BMPER: variants seen among roughly 807,000 people sequenced by gnomAD.
BMPER encodes the protein BMP binding endothelial regulator, also known as BMP-binding endothelial regulator protein.
BMPER carries 45 observed loss-of-function variants against 87.3 expected under a neutral mutation model. The observed-to-expected ratio is 0.52, with a 90% CI of 0.41 to 0.66. BMPER has a LOEUF of 0.66. Ranked by LOEUF, BMPER falls within the 30% of genes least tolerant of loss-of-function variation. The pLI, the probability that BMPER is intolerant of heterozygous loss-of-function variation, is 0.00. For missense variants in BMPER, 784 were observed against 867.5 expected (o/e 0.90, Z 1.21); for synonymous variants, 326 against 316.2 (o/e 1.03, Z -0.33).
intron 10 of BMPER, among the ~76,000 whole-genome samples, chr7:34,059,047 A>G (rs1242506452): frequency 6.6e-6 from 1 of 151,928 alleles, no homozygotes; most frequent in Non-Finnish European, 1.5e-5. Context: ...AACCCTAATT[A>G]GTCTTGCTTT....
At chr7:34,123,812 T>G (rs2058679) in intron 13 of BMPER, among the ~76,000 whole-genome samples, 5 of 152,204 alleles carry the variant, frequency 3.3e-5, no homozygotes, top group Admixed American at 6.5e-5. Flanking sequence ...TTCATAATTT[T>G]CAGCTAATTA....
chr7:33,948,906 T>C (rs1784953554), intron 3 of BMPER, among the ~76,000 whole-genome samples: 2 of 151,942 alleles, frequency 1.3e-5, no homozygotes, highest in African/African-American at 2.4e-5. Context: ...TGAGTTGTGA[T>C]GGCTCTAGAG....
At chr7:34,123,513 G>C (rs1216300335) in intron 13 of BMPER, among the ~76,000 whole-genome samples, 1 of 152,152 alleles carries the variant, frequency 6.6e-6, no homozygotes, top group Non-Finnish European at 1.5e-5. Context: ...CTGTGGCCTG[G>C]GCATCAGTGC....
chr7:34,017,931 G>C (rs1020100648), intron 6 of BMPER, among the ~76,000 whole-genome samples: 1 of 149,440 alleles, frequency 6.7e-6, no homozygotes, highest in African/African-American at 2.5e-5. Flanking sequence ...AGGCTCCTCT[G>C]TGTGGTGCCT....
intron 6 of BMPER, among the ~76,000 whole-genome samples, chr7:34,038,461 T>C (rs1054580359): frequency 2.0e-5 from 3 of 152,204 alleles, no homozygotes; most frequent in Non-Finnish European, 4.4e-5. Context: ...ATGAAACTGA[T>C]TCCAGACTTC....
At chr7:33,929,006 G>T (rs2128606859) in intron 2 of BMPER, among the ~76,000 whole-genome samples, 1 of 152,292 alleles carries the variant, frequency 6.6e-6, no homozygotes, top group Middle Eastern at 3.4e-3. Context: ...GTGTTGCAGA[G>T]AAGTGAATTT....
chr7:33,990,008 G>A (rs1349450047), intron 6 of BMPER, among the ~76,000 whole-genome samples: 1 of 151,882 alleles, frequency 6.6e-6, no homozygotes, highest in Non-Finnish European at 1.5e-5. Context: ...ATGCTGTTTT[G>A]GTTACTGTAG....
intron 13 of BMPER, among the ~76,000 whole-genome samples, chr7:34,108,104 A>G (rs1583447621): frequency 1.3e-5 from 2 of 152,370 alleles, no homozygotes; most frequent in South Asian, 4.1e-4. Context: ...TGGATCTGCA[A>G]GACTTGGTAG....
chr7:33,948,483 T>C (rs1440874899), intron 3 of BMPER, among the ~76,000 whole-genome samples: 2 of 152,192 alleles, frequency 1.3e-5, no homozygotes, highest in African/African-American at 4.8e-5. Context: ...TGGCATATAA[T>C]GTGGTTTGTC....
At chr7:33,941,105 A>G (rs979893846) in intron 3 of BMPER, among the ~76,000 whole-genome samples, 4 of 136,510 alleles carry the variant, frequency 2.9e-5, no homozygotes, top group African/African-American at 1.1e-4. Flanking sequence ...TATGTAATAT[A>G]TTACATATAA....
chr7:34,058,800 A>G (rs969637426), intron 10 of BMPER, among the ~76,000 whole-genome samples: 3 of 152,250 alleles, frequency 2.0e-5, no homozygotes, highest in South Asian at 2.1e-4. Flanking sequence ...AAAGTTTTAT[A>G]CATTTTGGGA....
intron 3 of BMPER, among the ~76,000 whole-genome samples, chr7:33,952,728 C>T (rs932384385): frequency 6.6e-5 from 10 of 152,128 alleles, no homozygotes; most frequent in Non-Finnish European, 1.0e-4. Flanking sequence ...GGACTTTGAT[C>T]AGAGAATACT....
At chr7:34,145,185 TG>T (rs940871780) in intron 14 of BMPER, among the ~76,000 whole-genome samples, 4 of 152,204 alleles carry the variant, frequency 2.6e-5, no homozygotes, top group Admixed American at 6.5e-5. Context: ...TGAGTTAGTT[TG>T]TGTGTTTACT....
At position 33,937,021 on chromosome 7, in the gene BMPER, C is replaced by T. The variant is rs57306272; in HGVS notation, c.220-268C>T. ...TCTGAAGGAGCGGGAGAGAACTTCT[C>T]CCTTGGCAATCGGTTATCTAGGTGA... On this transcript the variant is annotated intron_variant, in intron 2 of 14. Coordinates refer to ENST00000649409, the MANE Select transcript of BMPER (RefSeq NM_001365308.1). 0.018 allele frequency among the ~76,000 whole-genome samples: 2,733 copies of T among 152,272 alleles called. 80 individuals are homozygous for T. Among genetic ancestry groups the T allele is most frequent in the African/African-American group, 0.062 (2,586 of 41,540 alleles).
chr7:33,960,361 T>C (rs1459514589), intron 3 of BMPER, among the ~76,000 whole-genome samples: 2 of 152,216 alleles, frequency 1.3e-5, no homozygotes, highest in Non-Finnish European at 2.9e-5. Context: ...TTGATTATAC[T>C]TCCATATGTT....
intron 12 of BMPER, among the ~76,000 whole-genome samples, chr7:34,081,619 A>G (rs1789051028): frequency 2.6e-5 from 4 of 152,250 alleles, no homozygotes; most frequent in Admixed American, 2.6e-4. Flanking sequence ...CTTGACACTT[A>G]GCAAATAATT....
chr7:34,139,288 G>A (rs1790802499), intron 13 of BMPER, among the ~76,000 whole-genome samples: 1 of 152,190 alleles, frequency 6.6e-6, no homozygotes, highest in Admixed American at 6.5e-5. Context: ...GTATCAAGAG[G>A]CTGCCAAAAT....
At chr7:33,944,096 T>C (rs997575762) in intron 3 of BMPER, among the ~76,000 whole-genome samples, 2 of 152,164 alleles carry the variant, frequency 1.3e-5, no homozygotes, top group African/African-American at 4.8e-5. Flanking sequence ...AGATGAAGAA[T>C]GTGGGGAATG....
At chr7:33,956,777 G>A (rs988878295) in intron 3 of BMPER, among the ~76,000 whole-genome samples, 1 of 152,146 alleles carries the variant, frequency 6.6e-6, no homozygotes, top group Non-Finnish European at 1.5e-5. Flanking sequence ...TAAGAATACA[G>A]TGTATAATAC....
Sources: allele counts gnomAD v4.1 joint callset (sites outside exome capture counted in the v4.1 genomes callset), GRCh38; gene constraint gnomAD v4.1.1; transcripts MANE v1.5; gene names NCBI Gene and HGNC (gene_info 2026-07-23, HGNC 2026-07-21).